ACOT7: variants seen among roughly 807,000 people sequenced by gnomAD.
ACOT7 encodes the protein acyl-CoA thioesterase 7.
ACOT7 carries 12 observed loss-of-function variants against 40.2 expected under a neutral mutation model. That is an observed-to-expected ratio of 0.30 (90% CI 0.19 to 0.48). The LOEUF (loss-of-function observed/expected upper bound fraction) is 0.48. Among genes scored for constraint, ACOT7 ranks in the 20% least tolerant of loss-of-function variants. The pLI is 0.99. For missense variants in ACOT7, 395 were observed against 530.8 expected, an observed-to-expected ratio of 0.74 and a Z score of 2.51; for synonymous variants, 228 against 219.5, an observed-to-expected ratio of 1.04 and a Z score of -0.34.
rs375152254 is a variant in ACOT7 at position 6,294,834 on chromosome 1, C to T, written c.829+30G>A. On this transcript the variant is annotated intron_variant, in intron 7 of 8. Transcript: ENST00000361521. This position sits in a 1 kb window ranked among gnomAD's most constrained non-coding sequence, Gnocchi z 4.6. ...GACCCAAGCAGCCGAGGGCCACTGC[C>T]TCCCTCGTCTTTGCCAGAAGAGTGG... 5 of 1,583,604 alleles carry T rather than the reference C, an allele frequency of 3.2e-6. No homozygotes were observed. The highest frequency in any genetic ancestry group is 4.3e-6 in the Non-Finnish European group (5 of 1,153,074).
In ACOT7 at chr1:6,275,127, C is replaced by T. The variant is rs767657201; in HGVS notation, c.1014+5975G>A. Among the ~76,000 whole-genome samples the T allele has an allele frequency of 2.6e-5, 4 of 152,204 alleles. No homozygotes were observed. The highest frequency in any genetic ancestry group is 4.4e-5 in the Non-Finnish European group (3 of 68,034). ...AGGGGTTGGCGTTCCCTGAAGCCTC[C>T]GGCTTCAATGACCTGTACCCAGGCA... On this transcript the variant is annotated intron_variant, in intron 8 of 8. Coordinates refer to ENST00000361521, the MANE Select transcript of ACOT7 (RefSeq NM_007274.4). This position sits in a 1 kb window ranked among gnomAD's most constrained non-coding sequence, Gnocchi z 5.6.
intron 8 of ACOT7, among the ~76,000 whole-genome samples, chr1:6,280,430 C>T (rs1055708281): frequency 2.6e-5 from 4 of 152,230 alleles, no homozygotes; most frequent in Non-Finnish European, 4.4e-5. Context: ...CCATGCCAGG[C>T]GGAGAACCAC....
At chr1:6,377,845 C>T (rs930519786) in intron 1 of ACOT7, among the ~76,000 whole-genome samples, 3 of 152,062 alleles carry the variant, frequency 2.0e-5, no homozygotes, top group African/African-American at 7.2e-5. Context: ...CCTAGGCGGA[C>T]GGATCACAAG....
intron 1 of ACOT7, among the ~76,000 whole-genome samples, chr1:6,362,360 G>T (rs61763927): frequency 1.3e-5 from 2 of 151,958 alleles, no homozygotes; most frequent in South Asian, 2.1e-4. Flanking sequence ...GAACCCAGGA[G>T]GCAGAGGTTG....
intron 5 of ACOT7, among the ~76,000 whole-genome samples, chr1:6,323,161 C>T (rs933241479): frequency 1.3e-5 from 2 of 151,934 alleles, no homozygotes; most frequent in Admixed American, 6.6e-5. Flanking sequence ...GCAATGAAAT[C>T]GGACACTTAG....
chr1:6,368,460 T>C (rs1642063090), intron 1 of ACOT7, among the ~76,000 whole-genome samples: 1 of 152,162 alleles, frequency 6.6e-6, no homozygotes, highest in East Asian at 1.9e-4. Flanking sequence ...CCACACTCCA[T>C]ATGCAGGTGC....
At chr1:6,392,742 C>G (rs891976989) in intron 1 of ACOT7, among the ~76,000 whole-genome samples, 1 of 152,184 alleles carries the variant, frequency 6.6e-6, no homozygotes, top group Admixed American at 6.5e-5. Flanking sequence ...CCTCCTCCCA[C>G]AGGGGCACCC....
chr1:6,368,348 G>A (rs888021344), intron 1 of ACOT7, among the ~76,000 whole-genome samples: 36 of 152,134 alleles, frequency 2.4e-4, no homozygotes, highest in African/African-American at 7.5e-4. Context: ...GGGTGGGTGC[G>A]GTGGCTGCAC....
chr1:6,268,423 A>G (rs35061492), intron 8 of ACOT7, among the ~76,000 whole-genome samples: 12,493 of 152,276 alleles, frequency 0.082, 703 homozygotes, highest in East Asian at 0.17. Flanking sequence ...AAAGCAAAAA[A>G]CTAACTAGAC....
At chr1:6,292,275 C>T (rs947611853) in intron 7 of ACOT7, among the ~76,000 whole-genome samples, 1 of 152,242 alleles carries the variant, frequency 6.6e-6, no homozygotes, top group Admixed American at 6.5e-5. Context: ...CGGCCACAGC[C>T]GAGACGAGGT....
intron 3 of ACOT7, among the ~76,000 whole-genome samples, chr1:6,336,487 C>T (rs1181239971): frequency 2.6e-5 from 4 of 152,114 alleles, no homozygotes; most frequent in South Asian, 4.1e-4. Flanking sequence ...GTTTGCGGGT[C>T]GTCTGCCTGG....
At chr1:6,346,968 G>A (rs989478266) in intron 2 of ACOT7, among the ~76,000 whole-genome samples, 1 of 152,164 alleles carries the variant, frequency 6.6e-6, no homozygotes, top group Non-Finnish European at 1.5e-5. Flanking sequence ...GCAAGCCTGG[G>A]GCAAGGACAG....
intron 6 of ACOT7, among the ~76,000 whole-genome samples, chr1:6,315,311 A>T (rs1353986283): frequency 1.3e-5 from 2 of 152,252 alleles, no homozygotes; most frequent in East Asian, 3.8e-4. Context: ...AGTGAATTAC[A>T]GTTTAGTGAA....
At chr1:6,322,291 C>T (rs1056184361) in intron 5 of ACOT7, among the ~76,000 whole-genome samples, 7 of 152,246 alleles carry the variant, frequency 4.6e-5, no homozygotes, top group African/African-American at 1.2e-4. Flanking sequence ...TTGGGAGGAG[C>T]TCCTCTACTC....
chr1:6,393,299 G>A lies in ACOT7; in HGVS notation c.101C>T (p.Ser34Leu). 7.8e-7 allele frequency: 1 copy of A among 1,284,276 alleles called. No individual in the cohort carries two copies. Among genetic ancestry groups the A allele is most frequent in the South Asian group, 3.3e-5 (1 of 30,388 alleles). The allele number at this position is 1,284,276 out of a possible 1,614,324, so 79.6% of individuals were successfully genotyped here. The change falls in exon 1 of 9, where the codon TCG becomes TTG. Residue 34 changes from serine (S) to leucine (L), a missense_variant. Ser to Leu is a moderately radical substitution (Grantham distance 145). Transcript: ENST00000361521. ...GGACGGCGTCTCGACGTCTGGGCCC[G>A]ACATGCTGGGGGCTGCGGCGGCGGA... The part of the protein sequence containing the change: ...AASAAAAPSM[S>L]GPDVETPSAI...
intron 5 of ACOT7, among the ~76,000 whole-genome samples, chr1:6,326,180 G>C (rs1437714545): frequency 6.6e-6 from 1 of 152,198 alleles, no homozygotes; most frequent in Non-Finnish European, 1.5e-5. Flanking sequence ...AGCACACAGT[G>C]CGTCCTGGAG....
chr1:6,339,330 G>A, intron 3 of ACOT7, 103 bp downstream of exon 3: 4 of 1,529,364 alleles, frequency 2.6e-6, no homozygotes, highest in Non-Finnish European at 2.7e-6. Context: ...CTCATTGGTG[G>A]AAAAGGGGCC....
At chr1:6,361,587 TGAG>T (rs1641895872) in intron 1 of ACOT7, among the ~76,000 whole-genome samples, 1 of 151,784 alleles carries the variant, frequency 6.6e-6, no homozygotes, top group South Asian at 2.1e-4. Context: ...TCATCTGAGG[TGAG>T]GAGTTTTGAC....
rs1354360628 is a variant in ACOT7 at position 6,381,782 on chromosome 1, A to G, written c.143+11475T>C. On this transcript the variant is annotated intron_variant, in intron 1 of 8. Coordinates refer to ENST00000361521, the MANE Select transcript of ACOT7 (RefSeq NM_007274.4). ...GATTAACCCAAGTGTCCATCCACAG[A>G]TGATGGAATAAGCAAAATGTGGTCC... Among the ~76,000 whole-genome samples the G allele has an allele frequency of 3.3e-5, 5 of 151,972 alleles. No individual in the cohort carries two copies. In the East Asian group the frequency reaches 9.6e-4, roughly 29 times the overall value.
Sources: gnomAD v4.1 joint callset for allele counts (sites outside exome capture counted in the v4.1 genomes callset) on GRCh38, gnomAD v4.1.1 for gene constraint, Gnocchi (gnomAD v3.1) non-coding constraint, MANE v1.5 for transcripts, NCBI Gene and HGNC (gene_info 2026-07-23, HGNC 2026-07-21) for gene names.